GPC5: variants seen among roughly 807,000 people sequenced by gnomAD.
GPC5 encodes glypican 5, also known as glypican-5.
GPC5 carries 47 observed loss-of-function variants against 53.9 expected under a neutral mutation model. The ratio of observed to expected loss-of-function variants is 0.87; its 90% CI spans 0.69 to 1.11. The LOEUF (loss-of-function observed/expected upper bound fraction) is 1.11. Ranked by LOEUF, GPC5 falls within the 50% of genes most tolerant of loss-of-function variation. The pLI is 0.00. For synonymous variants in GPC5, 286 were observed against 263.3 expected, an observed-to-expected ratio of 1.09 and a Z score of -0.84; for missense variants, 748 against 713.1, an observed-to-expected ratio of 1.05 and a Z score of -0.56.
At position 91,996,058 on chromosome 13, in the gene GPC5, A is replaced by G. The variant is rs183992693; in HGVS notation, c.1401+88001A>G. On this transcript the variant is annotated intron_variant, in intron 6 of 7. Coordinates refer to ENST00000377067, the MANE Select transcript of GPC5 (RefSeq NM_004466.6). ...TTTTTAATCCCAAATGTTTTATTAC[A>G]TTTACAGACTCAGGGGCAAAAGGTA... 3 of 152,324 alleles carry G rather than the reference A, an allele frequency of 2.0e-5. No homozygotes were observed. In the East Asian group the frequency reaches 5.8e-4, roughly 29 times the overall value. 9.4% of individuals were successfully genotyped at this position (152,324 alleles called of 1,614,324 possible). A position where few individuals can be genotyped will look rare whatever the true frequency, so the allele number is the denominator to read the frequency against.
At chr13:91,978,490 A>T (rs6492565) in intron 6 of GPC5, among the ~76,000 whole-genome samples, 3 of 152,104 alleles carry the variant, frequency 2.0e-5, no homozygotes, top group African/African-American at 7.2e-5. Flanking sequence ...CAATAACAAA[A>T]GCAAATGTTT....
At chr13:91,685,107 A>G (rs1413184058) in intron 2 of GPC5, among the ~76,000 whole-genome samples, 1 of 151,984 alleles carries the variant, frequency 6.6e-6, no homozygotes, top group Non-Finnish European at 1.5e-5. Context: ...TGGGCAACGT[A>G]GAGACACTGT....
chr13:92,433,817 C>A (rs986212707), intron 7 of GPC5, among the ~76,000 whole-genome samples: 1 of 152,070 alleles, frequency 6.6e-6, no homozygotes, highest in Non-Finnish European at 1.5e-5. Flanking sequence ...GGTTTGGGTA[C>A]AGAAAACGGT....
intron 7 of GPC5, among the ~76,000 whole-genome samples, chr13:92,425,486 A>G (rs1200181516): frequency 1.3e-5 from 2 of 152,112 alleles, no homozygotes; most frequent in East Asian, 3.9e-4. Context: ...CAAAGATTCT[A>G]TTTTTATCAC....
intron 5 of GPC5, among the ~76,000 whole-genome samples, chr13:91,767,854 G>A (rs549826962): frequency 1.3e-5 from 2 of 152,290 alleles, no homozygotes; most frequent in South Asian, 4.1e-4. Flanking sequence ...CTCTTTGGGA[G>A]TACAGATTTC....
chr13:92,362,966 G>A (rs1314461394), intron 7 of GPC5, among the ~76,000 whole-genome samples: 7 of 151,702 alleles, frequency 4.6e-5, no homozygotes, highest in Admixed American at 3.9e-4. Context: ...AACCTCGTCA[G>A]AGCCTGACAG....
At chr13:92,565,525 G>A (rs933058444) in intron 7 of GPC5, among the ~76,000 whole-genome samples, 17 of 151,990 alleles carry the variant, frequency 1.1e-4, no homozygotes, top group African/African-American at 3.9e-4. Context: ...TGTGAGCAAG[G>A]GTTCTTAGTG....
chr13:92,408,050 C>T (rs1003283080), intron 7 of GPC5, among the ~76,000 whole-genome samples: 1 of 152,186 alleles, frequency 6.6e-6, no homozygotes, highest in African/African-American at 2.4e-5. Flanking sequence ...AGGAACTTGT[C>T]TGCACCGCAG....
At chr13:92,032,969 C>T (rs9556140) in intron 6 of GPC5, among the ~76,000 whole-genome samples, 60,344 of 151,536 alleles carry the variant, frequency 0.4, 12,908 homozygotes, top group Admixed American at 0.5. Context: ...TTATGCTTAG[C>T]GCTATCTCCA....
At chr13:92,458,252 T>C (rs1159218876) in intron 7 of GPC5, among the ~76,000 whole-genome samples, 1 of 144,022 alleles carries the variant, frequency 6.9e-6, no homozygotes, top group African/African-American at 2.5e-5. Context: ...CTTATTTATA[T>C]CTCTGACATA....
chr13:91,530,318 A>G (rs756026214), intron 2 of GPC5, among the ~76,000 whole-genome samples: 41 of 152,222 alleles, frequency 2.7e-4, no homozygotes, highest in Non-Finnish European at 4.1e-4. Context: ...TTTTGTGAGC[A>G]GGTTGATGTC....
At chr13:92,522,767 T>TA (rs1332737874) in intron 7 of GPC5, among the ~76,000 whole-genome samples, 2 of 152,028 alleles carry the variant, frequency 1.3e-5, no homozygotes, top group East Asian at 1.9e-4. Flanking sequence ...TAAAGAATAA[T>TA]AAAAAATAGT....
chr13:92,303,327 A>G (rs1023299677), intron 7 of GPC5, among the ~76,000 whole-genome samples: 1 of 152,210 alleles, frequency 6.6e-6, no homozygotes, highest in African/African-American at 2.4e-5. Context: ...TAAGTTTACT[A>G]TAACCAAAAA....
chr13:91,913,641 A>G (rs1224809670), intron 6 of GPC5, among the ~76,000 whole-genome samples: 2 of 152,080 alleles, frequency 1.3e-5, no homozygotes, highest in East Asian at 3.9e-4. Context: ...TTCCCTCTGC[A>G]AATCCTTCTG....
At chr13:91,940,086 C>A (rs942289284) in intron 6 of GPC5, among the ~76,000 whole-genome samples, 1 of 152,080 alleles carries the variant, frequency 6.6e-6, no homozygotes, top group Admixed American at 6.6e-5. Flanking sequence ...ACTGGAAAAA[C>A]CTTCATGGAT....
At chr13:92,777,491 G>T (rs960606844) in intron 7 of GPC5, among the ~76,000 whole-genome samples, 2 of 151,846 alleles carry the variant, frequency 1.3e-5, no homozygotes, top group Non-Finnish European at 2.9e-5. Flanking sequence ...AAATTAGCTG[G>T]GTGGCACCCG....
chr13:92,058,286 C>T (rs966111952), intron 6 of GPC5, among the ~76,000 whole-genome samples: 9 of 152,080 alleles, frequency 5.9e-5, no homozygotes, highest in Non-Finnish European at 7.4e-5. Context: ...CTTGGCCTCC[C>T]GTAGTGGTGG....
rs1566515917 is a variant in GPC5, at chr13:91,571,876, CACACATATACGTGTG to C, written c.326-121310_326-121296del. On this transcript the variant is annotated intron_variant, in intron 2 of 7. Transcript: ENST00000377067. ...ACACATATACGTGTGTGTATATATA[CACACATATACGTGTG>C]TATATACACATATTGTATATATACA... Among the ~76,000 whole-genome samples the C allele has an allele frequency of 4.0e-5, 4 of 100,932 alleles. 1 individual carries two copies. Among genetic ancestry groups the C allele is most frequent in the African/African-American group, 1.4e-4 (3 of 21,570 alleles). The allele number at this position is 100,932 out of a possible 152,430, so 66.2% of individuals were successfully genotyped here.
intron 7 of GPC5, among the ~76,000 whole-genome samples, chr13:92,757,795 C>A (rs1178055133): frequency 6.6e-6 from 1 of 152,140 alleles, no homozygotes; most frequent in African/African-American, 2.4e-5. Context: ...CCATCTCACA[C>A]CAGTTAGAAT....
Sources: allele counts gnomAD v4.1 joint callset (sites outside exome capture counted in the v4.1 genomes callset), GRCh38; gene constraint gnomAD v4.1.1; transcripts MANE v1.5; gene names NCBI Gene and HGNC (gene_info 2026-07-23, HGNC 2026-07-21).